Variants in DMD observed in about 807,000 individuals in gnomAD.
The protein encoded by DMD is dystrophin.
DMD carries 63 observed loss-of-function variants against 330.1 expected under a neutral mutation model. The ratio of observed to expected loss-of-function variants is 0.19; its 90% CI spans 0.16 to 0.24. The LOEUF (loss-of-function observed/expected upper bound fraction) is 0.24. Among genes scored for constraint, DMD ranks in the 10% least tolerant of loss-of-function variants. The pLI is 1.00. For missense variants in DMD, 3,344 were observed against 2,684.1 expected, an observed-to-expected ratio of 1.25 and a Z score of -5.43; for synonymous variants, 1,223 against 959.8, an observed-to-expected ratio of 1.27 and a Z score of -5.07.
At chrX:32,469,854 C>A (rs2040434370) in intron 22 of DMD, among the ~76,000 whole-genome samples, 1 of 111,326 alleles carries the variant, frequency 9.0e-6, no homozygotes, top group African/African-American at 3.3e-5. Flanking sequence ...ATCCATCCAT[C>A]CATCCCTCAA....
At chrX:32,293,520 G>A (rs1179915680) in intron 42 of DMD, among the ~76,000 whole-genome samples, 1 of 111,591 alleles carries the variant, frequency 9.0e-6, no homozygotes, top group African/African-American at 3.3e-5. Flanking sequence ...TGATCTTATC[G>A]AGAGCAACAA....
At chrX:32,572,699 T>A (rs1199085910) in intron 15 of DMD, among the ~76,000 whole-genome samples, 2 of 110,451 alleles carry the variant, frequency 1.8e-5, no homozygotes, top group Non-Finnish European at 3.8e-5. Context: ...AGGCTTTAAT[T>A]TTTTTTTGCT....
chrX:33,099,623 C>A (rs2095216480), intron 1 of DMD, among the ~76,000 whole-genome samples: 2 of 111,808 alleles, frequency 1.8e-5, no homozygotes, highest in African/African-American at 6.5e-5. Flanking sequence ...TTAAAATTAA[C>A]AAATTTTGTA....
intron 7 of DMD, among the ~76,000 whole-genome samples, chrX:32,713,751 A>C (rs1312384096): frequency 8.9e-6 from 1 of 111,903 alleles, no homozygotes; most frequent in Non-Finnish European, 1.9e-5. Context: ...AGAGTCGCAT[A>C]CATACATGTT....
chrX:32,795,317 G>C lies in DMD; in HGVS notation c.649+14176C>G, dbSNP rs980612974. Among the ~76,000 whole-genome samples, 2 of 112,064 alleles carry C rather than the reference G, an allele frequency of 1.8e-5. 1 individual carries two copies. Among genetic ancestry groups the C allele is most frequent in the Admixed American group, 1.9e-4 (2 of 10,567 alleles). On this transcript the variant is annotated intron_variant, in intron 7 of 78. Transcript: ENST00000357033. ...TTAGAGAACTCAGAATTAAATCCAT[G>C]TATTTACATACAACTTGTTTTTGAC...
chrX:32,626,265 G>C (rs949491928), intron 11 of DMD, among the ~76,000 whole-genome samples: 6 of 111,185 alleles, frequency 5.4e-5, no homozygotes, highest in Admixed American at 9.6e-5. Flanking sequence ...GAGGTCAGGA[G>C]TTCAAGACCA....
rs190084654 is a variant in DMD at position 33,258,940 on chromosome X, G to C, written c.7+80319C>G. ...AATTAGCAAACATATATGAGGCTTT[G>C]AATAACAGCCAGAGTAATACCAGGC... On this transcript the variant is annotated intron_variant, in intron 1 of 17. Transcript: ENST00000288447. 2.9e-3 allele frequency among the ~76,000 whole-genome samples: 318 copies of C among 110,994 alleles called. 2 individuals carry two copies. Among genetic ancestry groups the C allele is most frequent in the African/African-American group, 9.9e-3 (304 of 30,718 alleles).
At chrX:32,505,290 C>T (rs754680553) in intron 18 of DMD, among the ~76,000 whole-genome samples, 1 of 112,018 alleles carries the variant, frequency 8.9e-6, no homozygotes, top group South Asian at 3.7e-4. Context: ...AATTCTTATC[C>T]GAAATACACA....
chrX:32,772,134 C>T (rs1482834307), intron 7 of DMD, among the ~76,000 whole-genome samples: 2 of 112,343 alleles, frequency 1.8e-5, no homozygotes, highest in Non-Finnish European at 3.8e-5. Flanking sequence ...CTAGCTATTT[C>T]CTAAAGCAGA....
chrX:32,675,671 G>A (rs113953857), intron 9 of DMD, among the ~76,000 whole-genome samples: 30 of 111,220 alleles, frequency 2.7e-4, no homozygotes, highest in African/African-American at 8.8e-4. Context: ...ATCAATTCTG[G>A]AATGAGATTG....
chrX:32,235,900 AC>A (rs771608182), intron 43 of DMD, among the ~76,000 whole-genome samples: 89 of 111,798 alleles, frequency 8.0e-4, no homozygotes, highest in Non-Finnish European at 1.5e-3. Context: ...TTTCCAAGTT[AC>A]AAAATGACAG....
chrX:31,440,539 G>A, intron 60 of DMD, among the ~76,000 whole-genome samples: 1 of 112,227 alleles, frequency 8.9e-6, no homozygotes, highest in Middle Eastern at 4.6e-3. Flanking sequence ...ACCTGACTCA[G>A]ATCTTGACTG....
chrX:32,456,320 GAAC>G (rs1049253302), intron 25 of DMD, among the ~76,000 whole-genome samples: 3 of 110,870 alleles, frequency 2.7e-5, no homozygotes, highest in Non-Finnish European at 5.7e-5. Context: ...AACACATCTA[GAAC>G]AATATGTCTT....
intron 55 of DMD, among the ~76,000 whole-genome samples, chrX:31,620,697 G>C (rs1346368710): frequency 9.0e-6 from 1 of 111,236 alleles, no homozygotes; most frequent in South Asian, 3.8e-4. Flanking sequence ...TTATATGCAT[G>C]AGCCACCACG....
intron 1 of DMD, among the ~76,000 whole-genome samples, chrX:33,067,389 C>A (rs1338926095): frequency 1.8e-5 from 2 of 112,032 alleles, no homozygotes; most frequent in African/African-American, 6.5e-5. Context: ...TACAAAGATT[C>A]CAGGCAAAGA....
intron 6 of DMD, among the ~76,000 whole-genome samples, chrX:32,812,555 C>T (rs1270854177): frequency 8.9e-6 from 1 of 112,055 alleles, no homozygotes; most frequent in Non-Finnish European, 1.9e-5. Flanking sequence ...ATCGCTTGAA[C>T]CTGGGAAGTG....
intron 34 of DMD, among the ~76,000 whole-genome samples, chrX:32,372,107 C>T (rs746224624): frequency 5.4e-5 from 6 of 111,302 alleles, no homozygotes; most frequent in African/African-American, 1.3e-4. Flanking sequence ...ATCTATAAAA[C>T]GGGAACATTT....
intron 2 of DMD, 135 bp downstream of exon 2, chrX:33,020,004 T>C (rs1047824341): frequency 1.3e-5 from 6 of 461,444 alleles, no homozygotes; most frequent in Non-Finnish European, 2.2e-5. Context: ...AACATAATAT[T>C]TCCAGATTTG....
chrX:31,470,606 C>A (rs1417062273), intron 59 of DMD, among the ~76,000 whole-genome samples: 2 of 112,113 alleles, frequency 1.8e-5, no homozygotes, highest in African/African-American at 6.5e-5. Context: ...GAGGTGTCTC[C>A]CAGTCAGGAG....
Sources: allele counts gnomAD v4.1 joint callset (sites outside exome capture counted in the v4.1 genomes callset), GRCh38; gene constraint gnomAD v4.1.1; transcripts MANE v1.5; gene names NCBI Gene and HGNC (gene_info 2026-07-23, HGNC 2026-07-21).